Variants in RNF38 observed in about 807,000 individuals in gnomAD.
RNF38 encodes the protein E3 ubiquitin-protein ligase RNF38.
RNF38 carries 15 observed loss-of-function variants against 67.2 expected under a neutral mutation model. The ratio of observed to expected loss-of-function variants is 0.22; its 90% CI spans 0.15 to 0.34. The LOEUF (loss-of-function observed/expected upper bound fraction) is 0.34. RNF38 is among the 10% of genes least tolerant of loss of function. The probability of loss-of-function intolerance (pLI) is 1.00; values close to 1 mark genes in which losing one functional copy is unlikely to be tolerated. For synonymous variants in RNF38, 220 were observed against 218.8 expected, an observed-to-expected ratio of 1.01 and a Z score of -0.05; for missense variants, 524 against 639.9, an observed-to-expected ratio of 0.82 and a Z score of 1.95.
At chr9:36,449,657 G>C (rs10972908) in intron 1 of RNF38, among the ~76,000 whole-genome samples, 1 of 151,922 alleles carries the variant, frequency 6.6e-6, no homozygotes, top group Non-Finnish European at 1.5e-5. Flanking sequence ...GGATGGTCTC[G>C]ATCTCCGAAT....
At chr9:36,398,486 A>G (rs1022112147) in intron 1 of RNF38, among the ~76,000 whole-genome samples, 15 of 152,200 alleles carry the variant, frequency 9.9e-5, no homozygotes, top group Admixed American at 7.8e-4. Context: ...CCTCTTCTTC[A>G]TCTGTTTATT....
At chr9:36,365,925 A>G (rs1001600471) in intron 4 of RNF38, among the ~76,000 whole-genome samples, 15 of 152,094 alleles carry the variant, frequency 9.9e-5, no homozygotes, top group African/African-American at 3.6e-4. Flanking sequence ...TCGGCCTCCC[A>G]AAGTGCTGGG....
At chr9:36,361,242 C>A (rs1834511895) in intron 4 of RNF38, among the ~76,000 whole-genome samples, 1 of 151,776 alleles carries the variant, frequency 6.6e-6, no homozygotes, top group African/African-American at 2.4e-5. Context: ...ACCTCTGCCT[C>A]CTGGGATCAC....
intron 1 of RNF38, among the ~76,000 whole-genome samples, chr9:36,486,682 C>G (rs1479949703): frequency 6.6e-6 from 1 of 152,152 alleles, no homozygotes; most frequent in Non-Finnish European, 1.5e-5. Flanking sequence ...CTCTGCCCCA[C>G]TCACTCAAGA....
chr9:36,465,174 G>A (rs552440560), intron 1 of RNF38, among the ~76,000 whole-genome samples: 17 of 152,176 alleles, frequency 1.1e-4, no homozygotes, highest in Non-Finnish European at 2.2e-4. Context: ...ATATAAAATG[G>A]TGTAACAACC....
chr9:36,401,967 T>C (rs140129402), upstream of RNF38, among the ~76,000 whole-genome samples: 27 of 152,310 alleles, frequency 1.8e-4, no homozygotes, highest in African/African-American at 3.1e-4. Flanking sequence ...AGAGTAAATG[T>C]TGTTTCAGGA....
At chr9:36,439,934 T>A (rs1415642300) in intron 1 of RNF38, among the ~76,000 whole-genome samples, 2 of 152,132 alleles carry the variant, frequency 1.3e-5, no homozygotes, top group African/African-American at 4.8e-5. Flanking sequence ...TACTATTTAT[T>A]ATACAGCCTG....
intron 1 of RNF38, among the ~76,000 whole-genome samples, chr9:36,481,452 C>T (rs1300047906): frequency 6.6e-6 from 1 of 152,144 alleles, no homozygotes; most frequent in East Asian, 1.9e-4. Flanking sequence ...TTAAGTAGAA[C>T]AGGAAAAAAA....
At chr9:36,404,662 A>C (rs1341018948), upstream of RNF38, among the ~76,000 whole-genome samples, 1 of 152,190 alleles carries the variant, frequency 6.6e-6, no homozygotes, top group African/African-American at 2.4e-5. Context: ...AGGTTTGTTA[A>C]TATAATTCAA....
intron 2 of RNF38, among the ~76,000 whole-genome samples, chr9:36,418,416 A>C (rs1004919269): frequency 6.7e-6 from 1 of 149,564 alleles, no homozygotes; most frequent in African/African-American, 2.5e-5. Flanking sequence ...ACTTTGGAAG[A>C]CCAAAGCAGG....
chr9:36,352,998 T>TGCA, intron 7 of RNF38, 150 bp from the exon 8 acceptor site: 3 of 806,044 alleles, frequency 3.7e-6, no homozygotes, highest in Non-Finnish European at 4.0e-6. Flanking sequence ...TATTAATGGA[T>TGCA]GCAGCAACCA....
At chr9:36,386,844 C>T (rs112905581) in intron 2 of RNF38, among the ~76,000 whole-genome samples, 2 of 152,240 alleles carry the variant, frequency 1.3e-5, no homozygotes, top group African/African-American at 4.8e-5. Flanking sequence ...GCTCTGTTGC[C>T]CAGGCTGGAG....
At chr9:36,449,497 G>A (rs1587155973) in intron 1 of RNF38, among the ~76,000 whole-genome samples, 1 of 152,014 alleles carries the variant, frequency 6.6e-6, no homozygotes, top group South Asian at 2.1e-4. Context: ...GTGCAGTGGC[G>A]CGATCTCGGT....
intron 9 of RNF38, among the ~76,000 whole-genome samples, chr9:36,348,774 G>C (rs1419219517): frequency 6.6e-6 from 1 of 152,232 alleles, no homozygotes; most frequent in Non-Finnish European, 1.5e-5. Context: ...GGTGATGCTG[G>C]AAATGCTGAT....
chr9:36,475,801 C>T (rs761820724), intron 1 of RNF38, among the ~76,000 whole-genome samples: 9 of 150,588 alleles, frequency 6.0e-5, no homozygotes, highest in Non-Finnish European at 8.9e-5. Flanking sequence ...GCGGATCACA[C>T]GGTCAGGAGT....
rs187016934 is a variant in RNF38 at position 36,418,837 on chromosome 9, C to T, written n.312+5776G>A. Among the ~76,000 whole-genome samples the T allele has an allele frequency of 1.4e-4, 22 of 152,000 alleles. No individual in the cohort carries two copies. The East Asian group carries it at 3.7e-3, about 25-fold the overall frequency. ...TAGCTGGGCATGGTGGTGGTGCATG[C>T]CTGTAATCCCAGCTACTCGGGAGGC... On this transcript the variant is annotated intron_variant and non_coding_transcript_variant, in intron 2 of 3. Transcript: ENST00000488058.
exon 1 of RNF38, chr9:36,487,499 G>A (rs930415783): frequency 5.0e-5 from 49 of 977,624 alleles, no homozygotes; most frequent in Admixed American, 6.4e-5. Context: ...CTGAAAGTGC[G>A]CGGCGGCGGC....
chr9:36,413,321 C>CT (rs540695579), intron 2 of RNF38, among the ~76,000 whole-genome samples: 253 of 152,244 alleles, frequency 1.7e-3, no homozygotes, highest in African/African-American at 6.0e-3. Flanking sequence ...CCTAAGCTTC[C>CT]TGAGGCCTCA....
At chr9:36,346,761 G>A (rs927284661) in intron 9 of RNF38, among the ~76,000 whole-genome samples, 7 of 152,030 alleles carry the variant, frequency 4.6e-5, no homozygotes, top group Admixed American at 1.3e-4. Context: ...AGATAATTGC[G>A]TCATCTAAAT....
Sources: gnomAD v4.1 joint callset for allele counts (sites outside exome capture counted in the v4.1 genomes callset) on GRCh38, gnomAD v4.1.1 for gene constraint, MANE v1.5 for transcripts, NCBI Gene and HGNC (gene_info 2026-07-23, HGNC 2026-07-21) for gene names.